The following KIF18A variants were observed in gnomAD, a reference collection of about 807,000 sequenced individuals.
KIF18A encodes the protein kinesin family member 18A, also known as kinesin-like protein KIF18A.
In KIF18A, 67 loss-of-function variants were observed where a neutral mutation model predicts 103.3. The observed-to-expected ratio is 0.65, with a 90% CI of 0.53 to 0.79. KIF18A has a LOEUF of 0.79. Among genes scored for constraint, KIF18A ranks in the 30% least tolerant of loss-of-function variants. The pLI is 0.00. For missense variants in KIF18A, 1,032 were observed against 1,062.5 expected, an observed-to-expected ratio of 0.97 and a Z score of 0.40; for synonymous variants, 367 against 355.5, an observed-to-expected ratio of 1.03 and a Z score of -0.36.
In KIF18A at chr11:28,066,001, C is replaced by T. The variant is rs372483320; in HGVS notation, c.1590+3258G>A. 3.9e-5 allele frequency among the ~76,000 whole-genome samples: 6 copies of T among 152,072 alleles called. No homozygotes were observed. The South Asian group carries it at 6.2e-4, about 16-fold the overall frequency. Reference sequence around the variant, plus strand: ...CTACACACAAAAAATTGTTTCAAGACTCTTCTTGAGAAAATTTTTGCCAAC... The same window carrying T: ...CTACACACAAAAAATTGTTTCAAGATTCTTCTTGAGAAAATTTTTGCCAAC... On this transcript the variant is annotated intron_variant, in intron 11 of 16. Coordinates refer to ENST00000263181, the MANE Select transcript of KIF18A (RefSeq NM_031217.4).
At chr11:28,052,714 A>C (rs904705150) in intron 13 of KIF18A, among the ~76,000 whole-genome samples, 1 of 152,136 alleles carries the variant, frequency 6.6e-6, no homozygotes, top group Non-Finnish European at 1.5e-5. Flanking sequence ...TCTCTACTAG[A>C]AGTGAGCTCC....
At chr11:28,060,927 T>C (rs976418801) in intron 12 of KIF18A, among the ~76,000 whole-genome samples, 3 of 152,216 alleles carry the variant, frequency 2.0e-5, no homozygotes, top group African/African-American at 7.2e-5. Context: ...GTGCACATTC[T>C]GTGTGATTCC....
At chr11:28,033,464 C>T (rs1850437649) in intron 15 of KIF18A, among the ~76,000 whole-genome samples, 1 of 151,368 alleles carries the variant, frequency 6.6e-6, no homozygotes, top group Non-Finnish European at 1.5e-5. Context: ...AACCTAAGTG[C>T]CAATCAACAG....
At chr11:28,084,140 G>A (rs1041864564) in intron 7 of KIF18A, 2 of 151,844 alleles carry the variant, frequency 1.3e-5, no homozygotes, top group Non-Finnish European at 2.9e-5. Context: ...TCATGAATGT[G>A]GACTATAAAT....
chr11:28,092,532 A>C (rs1249359560), intron 3 of KIF18A, among the ~76,000 whole-genome samples: 1 of 152,142 alleles, frequency 6.6e-6, no homozygotes. Context: ...CCATTTTTTA[A>C]AAAGTAATTT....
intron 11 of KIF18A, 128 bp from the exon 12 acceptor site, chr11:28,062,644 C>A: frequency 1.4e-6 from 1 of 702,018 alleles, no homozygotes; most frequent in Non-Finnish European, 2.0e-6. Context: ...TGTTTAGAAA[C>A]AATTTGAAAA....
chr11:28,061,594 A>T (rs1850856708), intron 12 of KIF18A, among the ~76,000 whole-genome samples: 1 of 152,138 alleles, frequency 6.6e-6, no homozygotes, highest in African/African-American at 2.4e-5. Context: ...CAGAAAGTAT[A>T]AAGAGATTAG....
chr11:28,075,565 T>C (rs543043771), intron 10 of KIF18A, among the ~76,000 whole-genome samples: 4 of 152,302 alleles, frequency 2.6e-5, no homozygotes, highest in Non-Finnish European at 4.4e-5. Context: ...AGTTCTTTTT[T>C]TGTGGTGTCT....
chr11:28,065,361 G>C (rs1176228310), intron 11 of KIF18A, among the ~76,000 whole-genome samples: 1 of 152,012 alleles, frequency 6.6e-6, no homozygotes, highest in Non-Finnish European at 1.5e-5. Flanking sequence ...TTGAGGGTTA[G>C]ATTTGGGTGA....
chr11:28,034,872 A>G (rs1436570245), intron 15 of KIF18A, among the ~76,000 whole-genome samples: 1 of 151,646 alleles, frequency 6.6e-6, no homozygotes. Flanking sequence ...CATTGCCTTC[A>G]AGCAGCTGTT....
intron 12 of KIF18A, among the ~76,000 whole-genome samples, chr11:28,061,936 T>A (rs1850860878): frequency 6.6e-6 from 1 of 152,098 alleles, no homozygotes; most frequent in Non-Finnish European, 1.5e-5. Context: ...AAAGGTCTGT[T>A]ATAGCATCAC....
intron 10 of KIF18A, among the ~76,000 whole-genome samples, chr11:28,072,274 T>G (rs1332450727): frequency 6.6e-6 from 1 of 152,220 alleles, no homozygotes; most frequent in Admixed American, 6.5e-5. Flanking sequence ...TACTGCTTTG[T>G]GTAAAATAAT....
At chr11:28,077,227 G>C (rs2133547251) in intron 9 of KIF18A, 58 bp from the exon 10 acceptor site, 1 of 1,249,424 alleles carries the variant, frequency 8.0e-7, no homozygotes, top group Non-Finnish European at 1.1e-6. Context: ...ATCATACAAA[G>C]TTTACTTAAG....
Position 28,065,276 on chromosome 11 carries a change from G to A in KIF18A, c.1591-2760C>T, listed in dbSNP as rs117954114. On this transcript the variant is annotated intron_variant, in intron 11 of 16. Coordinates refer to ENST00000263181, the MANE Select transcript of KIF18A (RefSeq NM_031217.4). The stretch of plus-strand genomic sequence containing the variant: ...TAAAGTTATGTCTCAATTTGCTTAT[G>A]TAAAAAATAATGGCTTATAACTAGA... Among the ~76,000 whole-genome samples the A allele has an allele frequency of 1.0e-3, 155 of 152,122 alleles. 2 individuals are homozygous for A. The highest frequency in any genetic ancestry group is 3.4e-3 in the Middle Eastern group (1 of 294).
intron 6 of KIF18A, among the ~76,000 whole-genome samples, chr11:28,086,336 A>G (rs1590705078): frequency 6.6e-6 from 1 of 152,184 alleles, no homozygotes; most frequent in East Asian, 1.9e-4. Context: ...AATGTTACAG[A>G]CATTTCTCCT....
chr11:28,103,643 T>C (rs977722120), intron 1 of KIF18A, among the ~76,000 whole-genome samples: 3 of 152,230 alleles, frequency 2.0e-5, no homozygotes, highest in South Asian at 4.1e-4. Flanking sequence ...GTCTAGTATA[T>C]AGTAAATTTT....
At chr11:28,094,582 T>C (rs897810265) in intron 3 of KIF18A, 61 bp downstream of exon 3, 3 of 1,171,872 alleles carry the variant, frequency 2.6e-6, no homozygotes, top group Non-Finnish European at 3.7e-6. Context: ...AATAAAATCA[T>C]TTGTATGAAT....
At chr11:28,104,661 A>ATATTTATTG (rs1851484352) in intron 1 of KIF18A, among the ~76,000 whole-genome samples, 1 of 152,144 alleles carries the variant, frequency 6.6e-6, no homozygotes, top group African/African-American at 2.4e-5. Context: ...ATCTGGTTAC[A>ATATTTATTG]TATTTATTGC....
At chr11:28,058,182 TGA>T (rs1190733719) in intron 13 of KIF18A, among the ~76,000 whole-genome samples, 1 of 152,016 alleles carries the variant, frequency 6.6e-6, no homozygotes, top group Non-Finnish European at 1.5e-5. Flanking sequence ...CATACTTTTA[TGA>T]GAGAAAGAGA....
Sources: allele counts gnomAD v4.1 joint callset (sites outside exome capture counted in the v4.1 genomes callset), GRCh38; gene constraint gnomAD v4.1.1; transcripts MANE v1.5; gene names NCBI Gene and HGNC (gene_info 2026-07-23, HGNC 2026-07-21).